CEP104: variants seen among roughly 807,000 people sequenced by gnomAD.
The protein encoded by CEP104 is centrosomal protein 104.
CEP104 carries 84 observed loss-of-function variants against 113.3 expected under a neutral mutation model. The ratio of observed to expected loss-of-function variants is 0.74; its 90% CI spans 0.62 to 0.89. The LOEUF is 0.89. Among genes scored for constraint, CEP104 ranks in the 40% least tolerant of loss-of-function variants. The pLI, the probability that CEP104 is intolerant of heterozygous loss-of-function variation, is 0.00. For missense variants in CEP104, 1,053 were observed against 1,156.6 expected (o/e 0.91, Z 1.30); for synonymous variants, 378 against 421.7 (o/e 0.90, Z 1.27).
chr1:3,834,466 TCTTCC>T (rs1184962596), intron 11 of CEP104, among the ~76,000 whole-genome samples: 1 of 152,122 alleles, frequency 6.6e-6, no homozygotes, highest in Non-Finnish European at 1.5e-5. Flanking sequence ...TAAGCCCAAA[TCTTCC>T]CTTCATACTG....
intron 5 of CEP104, 93 bp from the exon 6 acceptor site, chr1:3,845,076 G>T: frequency 1.7e-6 from 2 of 1,149,948 alleles, no homozygotes; most frequent in Non-Finnish European, 2.6e-6. Flanking sequence ...AAAGCTGTCA[G>T]CAAGGTTCAA....
rs549631381 is a variant in CEP104, at chr1:3,817,643, C to T, written c.2572-1273G>A. ...GCCTTCTCACCAGAATGTGGCCCAC[C>T]GGCACATGGGGTGCAGTTGCTTCCC... On this transcript the variant is annotated intron_variant, in intron 20 of 21. Coordinates refer to ENST00000378230, the MANE Select transcript of CEP104 (RefSeq NM_014704.4). 5.1e-4 allele frequency among the ~76,000 whole-genome samples: 78 copies of T among 152,290 alleles called. 2 individuals are homozygous for T. In the South Asian group the frequency reaches 0.011, roughly 21 times the overall value.
At position 3,852,278 on chromosome 1, in the gene CEP104, C is replaced by A. The variant is rs768253337; in HGVS notation, c.113+17G>T. 5 of 1,609,534 alleles carry A rather than the reference C, an allele frequency of 3.1e-6. No individual in the cohort carries two copies. The highest frequency in any genetic ancestry group is 4.2e-6 in the Non-Finnish European group (5 of 1,178,344). ...AGGCTGCCTCCCAGCCCAAGCCCCG[C>A]CCCGTCCAGTCCTCACCTAGGTGAC... On this transcript the variant is annotated intron_variant, in intron 2 of 21. Transcript: ENST00000378230.
In CEP104 at chr1:3,819,302, A is replaced by AGGGGATGGAGAG. The variant is rs1643927169; in HGVS notation, c.2572-2933_2572-2932insCTCTCCATCCCC. Among the ~76,000 whole-genome samples the AGGGGATGGAGAG allele has an allele frequency of 6.6e-6, 1 of 152,174 alleles. No individual in the cohort carries two copies. Among genetic ancestry groups the AGGGGATGGAGAG allele is most frequent in the African/African-American group, 2.4e-5 (1 of 41,440 alleles). The stretch of plus-strand genomic sequence containing the variant: ...GACCAAAACTAGACATATGGTCGCC[A>AGGGGATGGAGAG]GGGGCTGGAGAGGGGGCTGGGGAGA... On this transcript the variant is annotated intron_variant, in intron 20 of 21. Transcript: ENST00000378230. This position sits in a 1 kb window ranked among gnomAD's most constrained non-coding sequence, Gnocchi z 4.6.
At chr1:3,848,935 A>G (rs1388604322) in intron 2 of CEP104, among the ~76,000 whole-genome samples, 154 bp from the exon 3 acceptor site, 3 of 152,220 alleles carry the variant, frequency 2.0e-5, no homozygotes, top group African/African-American at 4.8e-5. Context: ...TGCCTGCGAC[A>G]TGATTCCTGT....
intron 8 of CEP104, among the ~76,000 whole-genome samples, chr1:3,838,004 G>A (rs1264448920): frequency 1.3e-5 from 2 of 152,214 alleles, no homozygotes; most frequent in East Asian, 3.8e-4. Context: ...GAGTGTTTTG[G>A]ACAGGTAGGC....
intron 12 of CEP104, 29 bp downstream of exon 12, chr1:3,833,833 G>T: frequency 2.5e-6 from 4 of 1,608,692 alleles, no homozygotes; most frequent in South Asian, 1.1e-5. Flanking sequence ...TATCATCTAC[G>T]GTTTCAAATG....
intron 11 of CEP104, 139 bp downstream of exon 11, chr1:3,834,786 C>T: frequency 2.8e-6 from 2 of 715,312 alleles, no homozygotes; most frequent in Non-Finnish European, 4.5e-6. Context: ...AACCTCATTT[C>T]TTAGTGATTC....
intron 1 of CEP104, among the ~76,000 whole-genome samples, chr1:3,852,724 T>C (rs1644638270): frequency 6.6e-6 from 1 of 152,204 alleles, no homozygotes. Flanking sequence ...GTGGTACCCG[T>C]GAAGGAGACC....
chr1:3,831,226 T>G lies in CEP104; in HGVS notation c.1660-4A>C, dbSNP rs1274672044. On this transcript the variant is annotated splice_region_variant and splice_polypyrimidine_tract_variant and intron_variant, in intron 12 of 21. Coordinates refer to ENST00000378230, the MANE Select transcript of CEP104 (RefSeq NM_014704.4). Reference sequence around the variant, plus strand: ...CTTCTTTAAACAAGGCCATTTCCTATGAAAGCCAAGGTAATTTGTTAATTT... The same window carrying G: ...CTTCTTTAAACAAGGCCATTTCCTAGGAAAGCCAAGGTAATTTGTTAATTT... 6.2e-7 allele frequency: 1 copy of G among 1,608,934 alleles called. No homozygotes were observed. Among genetic ancestry groups the G allele is most frequent in the Admixed American group, 1.7e-5 (1 of 59,624 alleles).
At chr1:3,830,258 C>T (rs1644177631) in intron 13 of CEP104, among the ~76,000 whole-genome samples, 1 of 152,022 alleles carries the variant, frequency 6.6e-6, no homozygotes, top group African/African-American at 2.4e-5. Context: ...TGCTGTGCGT[C>T]TCGGGGGCCC....
Position 3,823,191 on chromosome 1 carries a change from A to G in CEP104, c.2554T>C (p.Phe852Leu). Residue 852 changes from phenylalanine (F) to leucine (L), a missense_variant, in exon 20 of 22, where the codon TTC becomes CTC. Transcript: ENST00000378230. The surrounding 1 kb of genome is among the most constrained non-coding windows in gnomAD (Gnocchi z 4.1). ...CCCCTCACCTCTTCTCCAGGGCTGA[A>G]GTTCTCATGACACAGGGGACACCGG... is the stretch of plus-strand genomic sequence containing the variant. ...ANRCPLCHEN[F>L]SPGEEAWKAH... 1 of 1,614,120 alleles carries G rather than the reference A, an allele frequency of 6.2e-7. No homozygotes were observed. Among genetic ancestry groups the G allele is most frequent in the Non-Finnish European group, 8.5e-7 (1 of 1,180,022 alleles).
At chr1:3,851,517 T>G (rs1013365439) in intron 2 of CEP104, among the ~76,000 whole-genome samples, 1 of 151,764 alleles carries the variant, frequency 6.6e-6, no homozygotes, top group East Asian at 1.9e-4. Context: ...GGGTGGAGGG[T>G]GGGTTTTTAT....
chr1:3,842,525 C>T (rs1476904653), intron 6 of CEP104, among the ~76,000 whole-genome samples: 1 of 152,246 alleles, frequency 6.6e-6, no homozygotes, highest in Admixed American at 6.5e-5. Flanking sequence ...TCGCTGTCCA[C>T]CAGTGCACAT....
At chr1:3,834,149 G>A (rs376991717) in intron 11 of CEP104, 114 bp from the exon 12 acceptor site, 41 of 898,802 alleles carry the variant, frequency 4.6e-5, no homozygotes, top group Middle Eastern at 3.5e-4. Context: ...ATGACATCTC[G>A]TCTGAAAGGC....
chr1:3,841,155 G>A (rs986044008), intron 6 of CEP104, among the ~76,000 whole-genome samples: 6 of 152,252 alleles, frequency 3.9e-5, no homozygotes, highest in African/African-American at 9.6e-5. Context: ...AGCTGCTTAC[G>A]GCGACTTGAA....
In CEP104 at chr1:3,839,655, A is replaced by C. The variant is rs1380381690; in HGVS notation, c.688T>G (p.Tyr230Asp). 1.2e-6 allele frequency: 2 copies of C among 1,614,014 alleles called. No individual in the cohort carries two copies. Among genetic ancestry groups the C allele is most frequent in the Non-Finnish European group, 1.7e-6 (2 of 1,179,958 alleles). ...TGTTTTAGTTTCTTGGCATAATCAT[A>C]GCGTTCCTTTTGGACAGCTTCCCGT... ...RKREAVQKER[Y>D]DYAKKLKQAI... Residue 230 changes from tyrosine (Y) to aspartate (D), a missense_variant, in exon 7 of 22, where the codon TAT becomes GAT. Transcript: ENST00000378230.
chr1:3,825,819 C>T lies in CEP104; in HGVS notation c.2303G>A (p.Gly768Asp), dbSNP rs1644079436. ...GERSESFTEE[G>D]LDLHYWKHCL... is the part of the protein sequence containing the mutation. ...GTGCTTCCAGTAGTGGAGATCCAGA[C>T]CTTCCTCTGTGAAGGATTCACTCCT... The change falls in exon 18 of 22, where the codon GGT (glycine) becomes GAT (aspartate). Residue 768 changes from glycine (G) to aspartate (D), a missense_variant. Transcript: ENST00000378230. The T allele has an allele frequency of 6.2e-7, 1 of 1,614,046 alleles. No homozygotes were observed. The highest frequency in any genetic ancestry group is 8.5e-7 in the Non-Finnish European group (1 of 1,179,888).
At chr1:3,830,598 C>T (rs566850285) in intron 13 of CEP104, among the ~76,000 whole-genome samples, 28 of 151,846 alleles carry the variant, frequency 1.8e-4, no homozygotes, top group African/African-American at 6.8e-4. Flanking sequence ...ACAGTGAAAC[C>T]CCGTCTCTAC....
Sources: gnomAD v4.1 joint callset for allele counts (sites outside exome capture counted in the v4.1 genomes callset) on GRCh38, gnomAD v4.1.1 for gene constraint, Gnocchi (gnomAD v3.1) non-coding constraint, MANE v1.5 for transcripts, NCBI Gene and HGNC (gene_info 2026-07-23, HGNC 2026-07-21) for gene names.